Variants in PEX5L observed in about 807,000 individuals in gnomAD.
PEX5L encodes peroxisomal biogenesis factor 5 like, also known as PEX5-related protein.
In PEX5L, 30 loss-of-function variants were observed where a neutral mutation model predicts 84.0. That is an observed-to-expected ratio of 0.36 (90% CI 0.27 to 0.48). The LOEUF (loss-of-function observed/expected upper bound fraction) is 0.48. Ranked by LOEUF, PEX5L falls within the 20% of genes least tolerant of loss-of-function variation. PEX5L has a pLI of 0.99. For synonymous variants in PEX5L, 270 were observed against 283.1 expected (o/e 0.95, Z 0.46); for missense variants, 533 against 754.6 (o/e 0.71, Z 3.44).
chr3:179,908,700 T>C (rs1764117665), intron 2 of PEX5L, among the ~76,000 whole-genome samples: 1 of 148,284 alleles, frequency 6.7e-6, no homozygotes, highest in African/African-American at 2.5e-5. Context: ...TTCCCACCTA[T>C]GAGTGAGAAT....
intron 2 of PEX5L, among the ~76,000 whole-genome samples, chr3:179,923,379 T>C (rs531503654): frequency 6.7e-4 from 102 of 151,252 alleles, no homozygotes; most frequent in African/African-American, 2.3e-3. Context: ...TCCAGTGAGA[T>C]TGGGTTCAAG....
intron 1 of PEX5L, among the ~76,000 whole-genome samples, chr3:180,013,887 T>C (rs1466597485): frequency 1.3e-5 from 2 of 152,250 alleles, no homozygotes; most frequent in East Asian, 3.8e-4. Flanking sequence ...GGAACACGTG[T>C]GACTTTCATA....
intron 1 of PEX5L, among the ~76,000 whole-genome samples, chr3:180,005,038 A>G (rs1181077333): frequency 2.0e-5 from 3 of 152,176 alleles, no homozygotes; most frequent in African/African-American, 7.2e-5. Context: ...TTAGCTCGTG[A>G]ACACTTTCTA....
At chr3:180,013,126 G>A (rs1046735815) in intron 1 of PEX5L, among the ~76,000 whole-genome samples, 3 of 152,092 alleles carry the variant, frequency 2.0e-5, no homozygotes, top group Non-Finnish European at 4.4e-5. Flanking sequence ...CAGCATTTAC[G>A]TTTATAAAAC....
chr3:179,865,304 T>C (rs1396248294), intron 7 of PEX5L, among the ~76,000 whole-genome samples: 2 of 152,164 alleles, frequency 1.3e-5, no homozygotes, highest in Admixed American at 1.3e-4. Flanking sequence ...ACCATTTCTT[T>C]TGCCCAAGAA....
At chr3:179,989,050 A>G (rs1787137015) in intron 1 of PEX5L, among the ~76,000 whole-genome samples, 1 of 152,196 alleles carries the variant, frequency 6.6e-6, no homozygotes, top group South Asian at 2.1e-4. Flanking sequence ...CTTGGAATTG[A>G]CTGACTTCAT....
At chr3:179,973,549 A>G (rs1785287456) in intron 1 of PEX5L, 1 of 966,174 alleles carries the variant, frequency 1.0e-6, no homozygotes, top group Non-Finnish European at 1.2e-6. Context: ...TTTTGTATTT[A>G]CTTCTCTGCA....
chr3:180,005,472 T>C (rs979178106), intron 1 of PEX5L, among the ~76,000 whole-genome samples: 5 of 152,208 alleles, frequency 3.3e-5, no homozygotes, highest in Non-Finnish European at 7.3e-5. Flanking sequence ...CTCACGCCTG[T>C]AATCCCAGCA....
At chr3:179,836,651 G>C (rs1247813917) in intron 8 of PEX5L, among the ~76,000 whole-genome samples, 2 of 152,226 alleles carry the variant, frequency 1.3e-5, no homozygotes, top group East Asian at 3.9e-4. Flanking sequence ...TAAATTTTTA[G>C]AATTAGGTAG....
At chr3:179,844,605 G>C (rs1738571215) in intron 8 of PEX5L, among the ~76,000 whole-genome samples, 1 of 152,176 alleles carries the variant, frequency 6.6e-6, no homozygotes, top group Non-Finnish European at 1.5e-5. Flanking sequence ...GAGGCGGGCG[G>C]ATCATGAGGT....
rs142633375 is a variant in PEX5L at position 179,955,421 on chromosome 3, C to T, written c.93+16173G>A. 5.0e-4 allele frequency among the ~76,000 whole-genome samples: 56 copies of T among 111,142 alleles called. 3 individuals are homozygous for T. In the East Asian group the frequency reaches 0.017, roughly 34 times the overall value. 72.9% of individuals were successfully genotyped at this position (111,142 alleles called of 152,430 possible). On this transcript the variant is annotated intron_variant, in intron 2 of 14. Coordinates refer to ENST00000467460, the MANE Select transcript of PEX5L (RefSeq NM_016559.3). ...TAATTGGGTTTCTTTGTGTTTTGAG[C>T]GATGTTATGTGACTTTTTTTTTTTT...
intron 2 of PEX5L, among the ~76,000 whole-genome samples, chr3:179,946,187 G>A (rs939395919): frequency 5.9e-5 from 9 of 152,138 alleles, no homozygotes; most frequent in Non-Finnish European, 1.3e-4. Context: ...CACAGTGAGT[G>A]GAAAGAGTTT....
chr3:179,840,506 C>A (rs1736839783), intron 8 of PEX5L, among the ~76,000 whole-genome samples: 2 of 151,954 alleles, frequency 1.3e-5, no homozygotes, highest in African/African-American at 4.8e-5. Context: ...AGGTTTTAAG[C>A]AGGGAAGTAA....
chr3:180,036,793 C>A lies in PEX5L; in HGVS notation c.-194G>T. ...CTGCGGGCTGCCGGGAACTGTTCTC[C>A]GCTCGGGGTGCTGAAAGCGGACGCG... On this transcript the variant is annotated 5_prime_UTR_variant, in exon 1 of 15. Coordinates refer to ENST00000467460, the MANE Select transcript of PEX5L (RefSeq NM_016559.3). The A allele has an allele frequency of 1.6e-6, 1 of 608,700 alleles. No individual in the cohort carries two copies. Among genetic ancestry groups the A allele is most frequent in the Non-Finnish European group, 3.0e-6 (1 of 335,132 alleles). The allele number at this position is 608,700 out of a possible 1,614,324, so 37.7% of individuals were successfully genotyped here.
intron 1 of PEX5L, chr3:179,973,289 C>T: frequency 7.0e-6 from 9 of 1,284,084 alleles, no homozygotes; most frequent in Non-Finnish European, 9.1e-6. Context: ...GGCTTCCTTG[C>T]CAGAACTTGC....
At chr3:179,877,263 A>T (rs1752727804) in intron 5 of PEX5L, among the ~76,000 whole-genome samples, 1 of 152,172 alleles carries the variant, frequency 6.6e-6, no homozygotes, top group Admixed American at 6.5e-5. Flanking sequence ...GTCTGTATAT[A>T]CCACATTGTG....
chr3:180,033,282 A>T (rs1791617738), intron 1 of PEX5L, among the ~76,000 whole-genome samples: 1 of 152,210 alleles, frequency 6.6e-6, no homozygotes, highest in Non-Finnish European at 1.5e-5. Context: ...AGGGTGTGGA[A>T]TGATTCCCCA....
intron 1 of PEX5L, among the ~76,000 whole-genome samples, chr3:179,988,126 A>C (rs992507452): frequency 6.6e-6 from 1 of 152,146 alleles, no homozygotes; most frequent in African/African-American, 2.4e-5. Context: ...AGGGCTGGGC[A>C]TGGTGGCTCA....
chr3:179,950,883 G>A (rs932626834), intron 2 of PEX5L, among the ~76,000 whole-genome samples: 6 of 152,214 alleles, frequency 3.9e-5, no homozygotes, highest in Non-Finnish European at 5.9e-5. Flanking sequence ...AAACGGAGAC[G>A]TAAGAGGAGG....
Sources: allele counts gnomAD v4.1 joint callset (sites outside exome capture counted in the v4.1 genomes callset), GRCh38; gene constraint gnomAD v4.1.1; transcripts MANE v1.5; gene names NCBI Gene and HGNC (gene_info 2026-07-23, HGNC 2026-07-21).